ADARB2: variants seen among roughly 807,000 people sequenced by gnomAD.
ADARB2 encodes inactive double-stranded RNA-specific editase B2.
Under a neutral mutation model 62.2 loss-of-function variants are expected in ADARB2, and 25 were observed. The observed-to-expected ratio is 0.40, with a 90% CI of 0.29 to 0.56. The LOEUF is 0.56. Ranked by LOEUF, ADARB2 falls within the 20% of genes least tolerant of loss-of-function variation. The pLI, the probability that ADARB2 is intolerant of heterozygous loss-of-function variation, is 0.43. For synonymous variants in ADARB2, 572 were observed against 500.8 expected, an observed-to-expected ratio of 1.14 and a Z score of -1.90; for missense variants, 1,071 against 1,077.4, an observed-to-expected ratio of 0.99 and a Z score of 0.08.
At chr10:1,199,882 G>A in intron 8 of ADARB2, 84 bp downstream of exon 8, 1 of 1,363,202 alleles carries the variant, frequency 7.3e-7, no homozygotes, top group African/African-American at 1.5e-5. Flanking sequence ...GATGAAGTCT[G>A]CGAGGGATGG....
intron 1 of ADARB2, among the ~76,000 whole-genome samples, chr10:1,409,586 G>C (rs1391240853): frequency 6.7e-6 from 1 of 148,734 alleles, no homozygotes; most frequent in Non-Finnish European, 1.5e-5. Context: ...AGGATTCTCA[G>C]TGTGCCGAGG....
At chr10:1,514,774 G>A (rs1394019047) in intron 1 of ADARB2, among the ~76,000 whole-genome samples, 1 of 152,218 alleles carries the variant, frequency 6.6e-6, no homozygotes, top group African/African-American at 2.4e-5. Flanking sequence ...GGTGGGTTTT[G>A]TGTTGTGAGA....
intron 1 of ADARB2, among the ~76,000 whole-genome samples, chr10:1,524,714 T>G (rs1588287268): frequency 6.6e-6 from 1 of 150,728 alleles, no homozygotes; most frequent in Non-Finnish European, 1.5e-5. Flanking sequence ...CGGGGGGAGG[T>G]GGTAGGCAGG....
chr10:1,276,767 C>T (rs10903415), intron 3 of ADARB2, among the ~76,000 whole-genome samples: 28,070 of 152,096 alleles, frequency 0.18, 2,714 homozygotes, highest in Admixed American at 0.3. Context: ...TAATAGACAT[C>T]TACAGAACTC....
In ADARB2 at chr10:1,633,051, G is replaced by A. The variant is rs551347517; in HGVS notation, c.100+104000C>T. 2.6e-5 allele frequency among the ~76,000 whole-genome samples: 4 copies of A among 152,234 alleles called. No individual in the cohort carries two copies. In the South Asian group the frequency reaches 8.3e-4, roughly 32 times the overall value. Reference sequence around the variant, plus strand: ...TGGAGTGGGCCTCCCTCTCCCCAGGGCCTCAGACTCCCGTGCTCCTGCTTC... The same window carrying A: ...TGGAGTGGGCCTCCCTCTCCCCAGGACCTCAGACTCCCGTGCTCCTGCTTC... On this transcript the variant is annotated intron_variant, in intron 1 of 9. Coordinates refer to ENST00000381312, the MANE Select transcript of ADARB2 (RefSeq NM_018702.4).
rs1832893625 is a variant in ADARB2 at position 1,426,405 on chromosome 10, T to G, written c.101-47245A>C. On this transcript the variant is annotated intron_variant, in intron 1 of 9. Transcript: ENST00000381312. The surrounding 1 kb of genome is among the most constrained non-coding windows in gnomAD (Gnocchi z 4.1). ...TTTCTCTTTAAATTTCATGTTCCCT[T>G]GTCATTGTTGCTGTAAAACCGAAGC... Among the ~76,000 whole-genome samples the G allele has an allele frequency of 6.6e-6, 1 of 152,108 alleles. No individual in the cohort carries two copies. Among genetic ancestry groups the G allele is most frequent in the South Asian group, 2.1e-4 (1 of 4,822 alleles).
At chr10:1,528,588 G>A (rs996016479) in intron 1 of ADARB2, among the ~76,000 whole-genome samples, 3 of 152,164 alleles carry the variant, frequency 2.0e-5, no homozygotes, top group Non-Finnish European at 4.4e-5. Flanking sequence ...AGCAGCGCCC[G>A]GTGTGAGCCC....
chr10:1,318,730 T>C (rs1439984855), intron 3 of ADARB2, among the ~76,000 whole-genome samples: 2 of 152,206 alleles, frequency 1.3e-5, no homozygotes, highest in Non-Finnish European at 2.9e-5. Context: ...AATTTGTCCC[T>C]GTCAGAAGGA....
chr10:1,496,333 C>G (rs1272497128), intron 1 of ADARB2, among the ~76,000 whole-genome samples: 1 of 151,698 alleles, frequency 6.6e-6, no homozygotes, highest in African/African-American at 2.4e-5. Flanking sequence ...GTATCAACAT[C>G]GTCACCTCCA....
chr10:1,512,211 C>G (rs1252133788), intron 1 of ADARB2, among the ~76,000 whole-genome samples: 1 of 151,852 alleles, frequency 6.6e-6, no homozygotes, highest in Non-Finnish European at 1.5e-5. Context: ...TGGATGGTGT[C>G]TACACTGCAT....
chr10:1,659,464 G>A (rs985184624), intron 1 of ADARB2, among the ~76,000 whole-genome samples: 41 of 152,234 alleles, frequency 2.7e-4, no homozygotes, highest in African/African-American at 9.6e-4. Context: ...ACAGAAACAC[G>A]ATTCAGACAG....
At chr10:1,735,866 A>G (rs892470432) in intron 1 of ADARB2, among the ~76,000 whole-genome samples, 3 of 152,196 alleles carry the variant, frequency 2.0e-5, no homozygotes, top group African/African-American at 2.4e-5. Context: ...GATAATTTCT[A>G]TTATTGGAAG....
chr10:1,718,009 A>G (rs1238472891), intron 1 of ADARB2, among the ~76,000 whole-genome samples: 2 of 152,204 alleles, frequency 1.3e-5, no homozygotes, highest in East Asian at 3.8e-4. Flanking sequence ...ATGCAGGCAC[A>G]TCAAACTCAC....
At chr10:1,233,615 G>A in intron 6 of ADARB2, 79 bp downstream of exon 6, 1 of 1,442,678 alleles carries the variant, frequency 6.9e-7, no homozygotes, top group Middle Eastern at 2.1e-4. Context: ...GCCCTGGGCT[G>A]TGAAAGCCCA....
intron 1 of ADARB2, among the ~76,000 whole-genome samples, chr10:1,617,461 TCGC>T: frequency 4.0e-5 from 4 of 99,392 alleles, no homozygotes; most frequent in African/African-American, 1.1e-4. Flanking sequence ...TTGCATTCTG[TCGC>T]TAGATGTTTG....
At chr10:1,532,473 G>A (rs558128199) in intron 1 of ADARB2, among the ~76,000 whole-genome samples, 16 of 152,190 alleles carry the variant, frequency 1.1e-4, no homozygotes, top group Non-Finnish European at 1.8e-4. Context: ...TCAGTGGCCC[G>A]TCCCTGTGTC....
chr10:1,309,957 A>G (rs17156189), intron 3 of ADARB2, among the ~76,000 whole-genome samples: 11,682 of 152,290 alleles, frequency 0.077, 1,146 homozygotes, highest in African/African-American at 0.23. Context: ...CTCCGTCTTC[A>G]GCGTCTTCCA....
intron 3 of ADARB2, among the ~76,000 whole-genome samples, chr10:1,338,695 A>T (rs902612571): frequency 6.6e-6 from 1 of 152,234 alleles, no homozygotes; most frequent in Non-Finnish European, 1.5e-5. Flanking sequence ...TCACAGCCCC[A>T]GCCTTAGGTC....
At chr10:1,411,356 G>A (rs867192350) in intron 1 of ADARB2, among the ~76,000 whole-genome samples, 9 of 152,212 alleles carry the variant, frequency 5.9e-5, no homozygotes, top group African/African-American at 9.6e-5. Context: ...TAGCCCACCC[G>A]TCCCCACCAG....
Sources: allele counts gnomAD v4.1 joint callset (sites outside exome capture counted in the v4.1 genomes callset), GRCh38; gene constraint gnomAD v4.1.1; non-coding constraint Gnocchi (gnomAD v3.1); transcripts MANE v1.5; gene names NCBI Gene and HGNC (gene_info 2026-07-23, HGNC 2026-07-21).